The following THBS2 variants were observed in gnomAD, a reference collection of about 807,000 sequenced individuals.
THBS2 encodes the protein thrombospondin 2, also known as thrombospondin-2.
THBS2 carries 47 observed loss-of-function variants against 135.2 expected under a neutral mutation model. The ratio of observed to expected loss-of-function variants is 0.35; its 90% CI spans 0.28 to 0.44. THBS2 has a LOEUF of 0.44. THBS2 is among the 20% of genes least tolerant of loss of function. The pLI, the probability that THBS2 is intolerant of heterozygous loss-of-function variation, is 1.00. For missense variants in THBS2, 1,288 were observed against 1,603.1 expected, an observed-to-expected ratio of 0.80 and a Z score of 3.36; for synonymous variants, 639 against 633.8, an observed-to-expected ratio of 1.01 and a Z score of -0.12.
intron 15 of THBS2, among the ~76,000 whole-genome samples, chr6:169,227,693 C>T (rs1032408208): frequency 1.3e-5 from 2 of 152,114 alleles, no homozygotes; most frequent in African/African-American, 4.8e-5. Context: ...CTGAATGAAT[C>T]ATTTAATCTT....
Position 169,234,850 on chromosome 6 carries a change from C to T in THBS2, c.1535G>A (p.Gly512Asp), listed in dbSNP as rs547607417. 6.2e-7 allele frequency: 1 copy of T among 1,613,116 alleles called. No individual in the cohort carries two copies. The highest frequency in any genetic ancestry group is 1.1e-5 in the South Asian group (1 of 91,008). The change falls in exon 10 of 22, where the codon GGT (glycine) becomes GAT (aspartate). Residue 512 changes from glycine (G) to aspartate (D), a missense_variant. Coordinates refer to ENST00000617924, the MANE Select transcript of THBS2 (RefSeq NM_003247.5). ...PWSACTVTCA[G>D]GIRERTRVCN... ...GACCCGGGTGCGCTCCCGGATCCCA[C>T]CGGCACAGGTGACAGTGCAGGCCGA...
intron 4 of THBS2, among the ~76,000 whole-genome samples, chr6:169,242,813 AC>A (rs1293458220): frequency 8.7e-4 from 32 of 36,740 alleles, no homozygotes; most frequent in Middle Eastern, 0.023. Flanking sequence ...CCACCTTCCC[AC>A]CACTCCCACC....
intron 10 of THBS2, among the ~76,000 whole-genome samples, chr6:169,233,373 C>T (rs1228967571): frequency 1.3e-5 from 2 of 151,904 alleles, no homozygotes; most frequent in African/African-American, 4.8e-5. Context: ...CTACGCGCCA[C>T]GTTCCGGATC....
intron 4 of THBS2, among the ~76,000 whole-genome samples, chr6:169,243,035 A>C (rs1387330554): frequency 6.7e-4 from 12 of 18,036 alleles, no homozygotes; most frequent in Non-Finnish European, 7.8e-4. Context: ...CCACCTTCCC[A>C]CCGCTCCCAC....
chr6:169,242,800 TTCCCACCTTCCCACCAC>T (rs1780383900), intron 4 of THBS2, among the ~76,000 whole-genome samples: 1 of 82,552 alleles, frequency 1.2e-5, no homozygotes, highest in Non-Finnish European at 2.5e-5. Flanking sequence ...CACTCCCACC[TTCCCACCTTCCCACCAC>T]TCCCACCTTC....
Position 169,239,689 on chromosome 6 carries a change from TA to T in THBS2, c.1038del (p.Phe346LeufsTer50). The T allele has an allele frequency of 2.5e-6, 4 of 1,595,234 alleles. No individual in the cohort carries two copies. Among genetic ancestry groups the T allele is most frequent in the Non-Finnish European group, 3.4e-6 (4 of 1,170,936 alleles). ...CAGGTGATTTGGTGGCAAATGGTTTTAAATTTCTACAAGTGAAGAAAGGCAT... is the reference window on the plus strand; with the variant it reads ...CAGGTGATTTGGTGGCAAATGGTTTTAATTTCTACAAGTGAAGAAAGGCAT... The part of the protein sequence containing the change: ...DSCTTCTCKK[F>X]KTICHQITCP... On this transcript the variant is annotated frameshift_variant, in exon 7 of 22. Coordinates refer to ENST00000617924, the MANE Select transcript of THBS2 (RefSeq NM_003247.5). LOFTEE classifies it high-confidence loss of function.
At chr6:169,232,407 G>A (rs1329904306) in intron 12 of THBS2, among the ~76,000 whole-genome samples, 1 of 152,174 alleles carries the variant, frequency 6.6e-6, no homozygotes, top group African/African-American at 2.4e-5. Context: ...CTGAGCCTCG[G>A]CTGCAGCTCA....
At chr6:169,234,473 A>T (rs1223708012) in intron 10 of THBS2, 2 of 417,366 alleles carry the variant, frequency 4.8e-6, no homozygotes, top group Non-Finnish European at 8.6e-6. Flanking sequence ...CACAGGCCAC[A>T]CCACACAATT....
intron 17 of THBS2, among the ~76,000 whole-genome samples, chr6:169,224,565 CTT>C (rs1012496002): frequency 1.3e-5 from 2 of 152,220 alleles, no homozygotes; most frequent in Admixed American, 6.5e-5. Flanking sequence ...GTGAGGGCCA[CTT>C]TCTCACAGCC....
chr6:169,230,724 C>T (rs941759772), intron 13 of THBS2, among the ~76,000 whole-genome samples: 2 of 152,162 alleles, frequency 1.3e-5, no homozygotes, highest in African/African-American at 2.4e-5. Context: ...TCTAGCAGCA[C>T]GGACTCAGCT....
chr6:169,249,732 T>C (rs9765848), intron 2 of THBS2, among the ~76,000 whole-genome samples: 133,531 of 152,220 alleles, frequency 0.88, 58,883 homozygotes, highest in East Asian at 0.99. Context: ...AAAATCATAA[T>C]AGTTTAAATA....
intron 19 of THBS2, 60 bp from the exon 20 acceptor site, chr6:169,221,587 T>G: frequency 1.3e-6 from 2 of 1,485,376 alleles, no homozygotes; most frequent in East Asian, 2.3e-5. Flanking sequence ...ACCACAGCTC[T>G]GTAACACCAA....
chr6:169,224,195 G>A (rs949857682), intron 17 of THBS2, among the ~76,000 whole-genome samples: 15 of 152,344 alleles, frequency 9.8e-5, no homozygotes, highest in Non-Finnish European at 1.3e-4. Context: ...ACTAGTTTCC[G>A]TTCTGTTCAA....
intron 6 of THBS2, 98 bp from the exon 7 acceptor site, chr6:169,239,793 G>T: frequency 1.1e-6 from 1 of 909,778 alleles, no homozygotes; most frequent in Non-Finnish European, 1.7e-6. Flanking sequence ...ATGGCTGAAT[G>T]TTTTCCATCC....
chr6:169,248,174 T>A (rs1168387032), intron 3 of THBS2, among the ~76,000 whole-genome samples: 3 of 150,836 alleles, frequency 2.0e-5, no homozygotes, highest in Non-Finnish European at 4.4e-5. Context: ...AGCATGTGTG[T>A]TTGTGTGTGT....
intron 8 of THBS2, 96 bp downstream of exon 8, chr6:169,237,529 G>A (rs769109570): frequency 9.0e-6 from 14 of 1,563,868 alleles, no homozygotes; most frequent in East Asian, 4.5e-5. Flanking sequence ...CCAGCACCTC[G>A]TGAGGGCAGC....
In THBS2 at chr6:169,248,589, T is replaced by C; in HGVS notation, c.437A>G (p.Asp146Gly). The C allele has an allele frequency of 1.2e-6, 2 of 1,613,868 alleles. No individual in the cohort carries two copies. The highest frequency in any genetic ancestry group is 2.2e-5 in the South Asian group (2 of 91,070). ...VVSLEDVGLADSQWKNVTVQV... is the reference protein window; with the variant it reads ...VVSLEDVGLAGSQWKNVTVQV... ...CACGGTGACGTTCTTCCACTGCGAG[T>C]CAGCCAGGCCGACGTCCTCCAGGGA... is the stretch of plus-strand genomic sequence containing the variant. Residue 146 changes from aspartate to glycine, a missense_variant, in exon 3 of 22, where the codon GAC (aspartate) becomes GGC (glycine). Coordinates refer to ENST00000617924, the MANE Select transcript of THBS2 (RefSeq NM_003247.5).
chr6:169,234,406 A>G (rs1484537258), intron 10 of THBS2: 2 of 238,880 alleles, frequency 8.4e-6, no homozygotes, highest in Admixed American at 1.3e-4. Context: ...CACACCACAT[A>G]CCATGCCACA....
chr6:169,232,762 T>A lies in THBS2; in HGVS notation c.1834A>T (p.Asn612Tyr). The change falls in exon 12 of 22, where the codon AAC (asparagine) becomes TAC (tyrosine). Residue 612 changes from asparagine (N) to tyrosine (Y), a missense_variant. By Grantham distance (143) the Asn-to-Tyr change is moderately radical. Around this residue, in one of 2 missense-constraint regions of THBS2, gnomAD observed 874 missense variants for 1,156.1 expected, o/e 0.76. Transcript: ENST00000617924. Reference sequence around the variant, plus strand: ...AGGCAGTGGAAGCCAGGCTGAGTGTTGACACAGCGAGGCACCTTGCTGGTG... The same window carrying A: ...AGGCAGTGGAAGCCAGGCTGAGTGTAGACACAGCGAGGCACCTTGCTGGTG... ...FSTSKVPRCV[N>Y]TQPGFHCLPC... 6.2e-7 allele frequency: 1 copy of A among 1,614,002 alleles called. No individual in the cohort carries two copies. The highest frequency in any genetic ancestry group is 8.5e-7 in the Non-Finnish European group (1 of 1,179,934).
Sources: allele counts gnomAD v4.1 joint callset (sites outside exome capture counted in the v4.1 genomes callset), GRCh38; gene constraint gnomAD v4.1.1; regional missense constraint gnomAD v4.1.1; transcripts MANE v1.5; gene names NCBI Gene and HGNC (gene_info 2026-07-23, HGNC 2026-07-21).